Variants in SLC4A8 observed in about 807,000 individuals in gnomAD.
The protein encoded by SLC4A8 is electroneutral sodium bicarbonate exchanger 1.
Under a neutral mutation model 125.0 loss-of-function variants are expected in SLC4A8, and 40 were observed. That is an observed-to-expected ratio of 0.32 (90% CI 0.25 to 0.42). SLC4A8 has a LOEUF of 0.42. Ranked by LOEUF, SLC4A8 falls within the 10% of genes least tolerant of loss-of-function variation. The pLI, the probability that SLC4A8 is intolerant of heterozygous loss-of-function variation, is 1.00. For missense variants in SLC4A8, 863 were observed against 1,355.1 expected (o/e 0.64, Z 5.70); for synonymous variants, 456 against 476.0 (o/e 0.96, Z 0.55).
In SLC4A8 at chr12:51,434,286, C is replaced by T. The variant is rs867415611; in HGVS notation, c.49-6422C>T. Among the ~76,000 whole-genome samples the T allele has an allele frequency of 3.3e-5, 5 of 152,168 alleles. No individual in the cohort carries two copies. The South Asian group carries it at 1.0e-3, about 32-fold the overall frequency. ...AAGATTAAAGACTCTTTTAAAACAA[C>T]GACATAACTGCCAAAACACACGAGA... On this transcript the variant is annotated intron_variant, in intron 1 of 24. Transcript: ENST00000453097.
chr12:51,457,791 G>A (rs561727743), intron 6 of SLC4A8, among the ~76,000 whole-genome samples: 1 of 152,300 alleles, frequency 6.6e-6, no homozygotes, highest in East Asian at 1.9e-4. Flanking sequence ...CCTCAGAACT[G>A]ATGTAGCTTT....
Position 51,469,796 on chromosome 12 carries a change from C to T in SLC4A8, c.1524+8C>T, listed in dbSNP as rs777707503. Reference sequence around the variant, plus strand: ...GCCACTGAGGGACGCATAGTAAGGACTTTTAACCACTTCTAATGATCCCAA... The same window carrying T: ...GCCACTGAGGGACGCATAGTAAGGATTTTTAACCACTTCTAATGATCCCAA... On this transcript the variant is annotated splice_region_variant and intron_variant, in intron 12 of 24. Coordinates refer to ENST00000453097, the MANE Select transcript of SLC4A8 (RefSeq NM_001039960.3). 1.8e-5 allele frequency: 29 copies of T among 1,613,446 alleles called. No homozygotes were observed. The South Asian group carries it at 3.1e-4, about 17-fold the overall frequency.
rs139381933 is a variant in SLC4A8 at position 51,418,317 on chromosome 12, G to A, written c.-111-22391G>A. On this transcript the variant is annotated intron_variant, in intron 1 of 24. Transcript: ENST00000358657. The stretch of plus-strand genomic sequence containing the variant: ...TCCTTCTCTGGGATGGAGTGGAGGG[G>A]AATTGTGTTGGATAGGAACTGGTCT... Among the ~76,000 whole-genome samples, 4 of 152,278 alleles carry A rather than the reference G, an allele frequency of 2.6e-5. No individual in the cohort carries two copies. In the East Asian group the frequency reaches 7.7e-4, roughly 29 times the overall value.
intron 1 of SLC4A8, among the ~76,000 whole-genome samples, chr12:51,400,746 A>G (rs1263067649): frequency 0.017 from 17 of 1,018 alleles, 4 homozygotes; most frequent in East Asian, 0.088. Context: ...ATATATATAT[A>G]TATATATATA....
At chr12:51,465,174 T>C (rs1316185387) in intron 11 of SLC4A8, among the ~76,000 whole-genome samples, 1 of 152,140 alleles carries the variant, frequency 6.6e-6, no homozygotes, top group Non-Finnish European at 1.5e-5. Context: ...GAGGTGGTAA[T>C]TTTTTTCAGG....
intron 19 of SLC4A8, among the ~76,000 whole-genome samples, chr12:51,491,839 C>A (rs1007863303): frequency 6.6e-5 from 10 of 151,606 alleles, no homozygotes; most frequent in East Asian, 1.9e-4. Flanking sequence ...CTTCCAAATC[C>A]TTAGGGATTT....
At chr12:51,441,526 A>G (rs767334984) in intron 2 of SLC4A8, among the ~76,000 whole-genome samples, 7 of 152,156 alleles carry the variant, frequency 4.6e-5, no homozygotes, top group Non-Finnish European at 1.0e-4. Context: ...ACACCTGGCC[A>G]TGGTTTTCTA....
At chr12:51,459,896 A>C (rs919851973) in intron 7 of SLC4A8, 55 bp from the exon 8 acceptor site, 8 of 1,471,498 alleles carry the variant, frequency 5.4e-6, no homozygotes, top group Non-Finnish European at 6.5e-6. Flanking sequence ...AAATTTAAAA[A>C]CGATATTTAA....
intron 1 of SLC4A8, among the ~76,000 whole-genome samples, chr12:51,419,638 G>A (rs1486747137): frequency 6.6e-6 from 1 of 152,184 alleles, no homozygotes; most frequent in Non-Finnish European, 1.5e-5. Context: ...TTGACTTGCG[G>A]ATGACAACCG....
In SLC4A8 at chr12:51,499,624, T is replaced by TACACACACACACACAC. The variant is rs143239328; in HGVS notation, c.3081+2519_3081+2534dup. 8.7e-3 allele frequency among the ~76,000 whole-genome samples: 1,244 copies of TACACACACACACACAC among 143,292 alleles called. 8 individuals carry two copies. The highest frequency in any genetic ancestry group is 0.013 in the Non-Finnish European group (835 of 65,454). The allele number at this position is 143,292 out of a possible 152,430, so 94.0% of individuals were successfully genotyped here. A position where few individuals can be genotyped will look rare whatever the true frequency, so the allele number is the denominator to read the frequency against. Reference sequence around the variant, plus strand: ...TTTCTTGGTTATAGTGCTATAATTCTACACACACACACACACACACACACA... The same window carrying TACACACACACACACAC: ...TTTCTTGGTTATAGTGCTATAATTCTACACACACACACACACACACACACACACACACACACACACA... On this transcript the variant is annotated intron_variant, in intron 22 of 24. Coordinates refer to ENST00000453097, the MANE Select transcript of SLC4A8 (RefSeq NM_001039960.3).
At chr12:51,436,794 T>G (rs1419884156) in intron 1 of SLC4A8, among the ~76,000 whole-genome samples, 1 of 152,090 alleles carries the variant, frequency 6.6e-6, no homozygotes, top group African/African-American at 2.4e-5. Flanking sequence ...ACCCGGCTAA[T>G]TTTTGTATTT....
intron 23 of SLC4A8, among the ~76,000 whole-genome samples, chr12:51,504,939 C>T (rs1426794439): frequency 6.6e-6 from 1 of 152,142 alleles, no homozygotes; most frequent in Non-Finnish European, 1.5e-5. Flanking sequence ...GCTGAAAAAC[C>T]TAGAGGTCAA....
At chr12:51,502,086 C>T (rs1309213218) in intron 22 of SLC4A8, 1 of 152,078 alleles carries the variant, frequency 6.6e-6, no homozygotes, top group Non-Finnish European at 1.5e-5. Context: ...TGGGAATACA[C>T]CTAATCAAAA....
At position 51,425,021 on chromosome 12, in the gene SLC4A8, G is replaced by C. The variant is rs1283971149; in HGVS notation, c.34G>C (p.Val12Leu). The change falls in exon 1 of 25, where the codon GTC becomes CTC. Residue 12 changes from valine (V) to leucine (L), a missense_variant. Physicochemically the swap from Val to Leu is conservative, Grantham distance 32. Coordinates refer to ENST00000453097, the MANE Select transcript of SLC4A8 (RefSeq NM_001039960.3). ...CGCCGGGAGTAACGAGCCGGACGGC[G>C]TCCTCAGCTATCAGGTAGGGCCCCG... ...PAAGSNEPDG[V>L]LSYQRPDEEA... 3 of 1,556,886 alleles carry C rather than the reference G, an allele frequency of 1.9e-6. No homozygotes were observed. Among genetic ancestry groups the C allele is most frequent in the Non-Finnish European group, 1.7e-6 (2 of 1,151,092 alleles).
chr12:51,463,837 T>G, intron 11 of SLC4A8, 123 bp downstream of exon 11: 2 of 635,142 alleles, frequency 3.1e-6, no homozygotes, highest in South Asian at 4.2e-5. Flanking sequence ...GAAGAATGAC[T>G]TTTCAAATGG....
intron 17 of SLC4A8, 51 bp downstream of exon 17, chr12:51,485,951 G>T (rs755102348): frequency 1.9e-6 from 2 of 1,055,050 alleles, no homozygotes; most frequent in Non-Finnish European, 2.9e-6. Context: ...CATACATTCT[G>T]ATGCCAAGTA....
intron 1 of SLC4A8, chr12:51,392,000 C>G (rs1455855133): frequency 1.3e-5 from 2 of 152,558 alleles, no homozygotes; most frequent in Non-Finnish European, 2.9e-5. Context: ...GAGGCCTGCC[C>G]CGGAGGGGGA....
At chr12:51,441,881 TG>T (rs1176251929) in intron 2 of SLC4A8, among the ~76,000 whole-genome samples, 5 of 152,288 alleles carry the variant, frequency 3.3e-5, no homozygotes, top group Admixed American at 2.0e-4. Context: ...CAGTGGTGTT[TG>T]GGTATACCAA....
intron 1 of SLC4A8, among the ~76,000 whole-genome samples, chr12:51,417,101 C>CAA (rs36051030): frequency 7.0e-6 from 1 of 143,550 alleles, no homozygotes; most frequent in African/African-American, 2.6e-5. Flanking sequence ...CCCCCTGTCT[C>CAA]AAAAAAAAAA....
Sources: gnomAD v4.1 joint callset for allele counts (sites outside exome capture counted in the v4.1 genomes callset) on GRCh38, gnomAD v4.1.1 for gene constraint, MANE v1.5 for transcripts, NCBI Gene and HGNC (gene_info 2026-07-23, HGNC 2026-07-21) for gene names.